Variants in ARMH3 observed in about 807,000 individuals in gnomAD.
ARMH3 encodes the protein armadillo like helical domain containing 3.
Under a neutral mutation model 99.1 loss-of-function variants are expected in ARMH3, and 60 were observed. That is an observed-to-expected ratio of 0.61 (90% confidence interval 0.49 to 0.75). The LOEUF is 0.75. Ranked by LOEUF, ARMH3 falls within the 30% of genes least tolerant of loss-of-function variation. The probability of loss-of-function intolerance (pLI) is 0.00; values close to 1 mark genes in which losing one functional copy is unlikely to be tolerated. For synonymous variants in ARMH3, 285 were observed against 292.8 expected, an observed-to-expected ratio of 0.97 and a Z score of 0.27; for missense variants, 679 against 843.1, an observed-to-expected ratio of 0.81 and a Z score of 2.41.
chr10:101,903,312 T>C (rs1564736835), intron 23 of ARMH3, among the ~76,000 whole-genome samples: 5 of 152,206 alleles, frequency 3.3e-5, no homozygotes, highest in Admixed American at 3.3e-4. Flanking sequence ...TTGACAAACA[T>C]ATGAATACCT....
At chr10:102,039,365 G>A (rs1006120012) in intron 2 of ARMH3, among the ~76,000 whole-genome samples, 2 of 151,994 alleles carry the variant, frequency 1.3e-5, no homozygotes, top group African/African-American at 2.4e-5. Flanking sequence ...GGCTGGTCTC[G>A]AACTCTTGAC....
rs1174790123 is a variant in ARMH3, at chr10:102,007,151, C to T, written c.955-518G>A. On this transcript the variant is annotated intron_variant, in intron 13 of 25. Transcript: ENST00000370033. ...ACTCCAGCCTGGTGACACAGCAAGA[C>T]TCTATCTCAAAAAAAAAAAAAAAAA... Among the ~76,000 whole-genome samples, 9 of 55,388 alleles carry T rather than the reference C, an allele frequency of 1.6e-4. 1 individual carries two copies. In the South Asian group the frequency reaches 5.2e-3, roughly 32 times the overall value. The allele number at this position is 55,388 out of a possible 152,430, so 36.3% of individuals were successfully genotyped here. A position where few individuals can be genotyped will look rare whatever the true frequency, so the allele number is the denominator to read the frequency against.
chr10:102,010,680 A>C (rs2066610926), intron 11 of ARMH3, among the ~76,000 whole-genome samples: 1 of 152,194 alleles, frequency 6.6e-6, no homozygotes, highest in Non-Finnish European at 1.5e-5. Flanking sequence ...TATGCTTGAA[A>C]CTATACACAA....
chr10:101,902,263 G>A (rs2067999562), intron 23 of ARMH3, among the ~76,000 whole-genome samples: 1 of 152,080 alleles, frequency 6.6e-6, no homozygotes, highest in African/African-American at 2.4e-5. Context: ...TCTCACAAGG[G>A]GAAGGCTGTT....
intron 19 of ARMH3, among the ~76,000 whole-genome samples, chr10:101,984,142 C>T (rs1846353821): frequency 6.6e-6 from 1 of 152,098 alleles, no homozygotes; most frequent in Admixed American, 6.5e-5. Context: ...TGTTGATTGT[C>T]GTTGTTGAGT....
rs1483638301 is a variant in ARMH3, at chr10:102,031,759, A to AATAT, written c.306+1266_306+1267insATAT. On this transcript the variant is annotated intron_variant, in intron 4 of 25. Coordinates refer to ENST00000370033, the MANE Select transcript of ARMH3 (RefSeq NM_024541.3). ...GATTCTTCATATTCTTTTTTTTTTG[A>AATAT]GACGGAGTCTCGCTCTGTCGCCCAG... is the stretch of plus-strand genomic sequence containing the variant. Among the ~76,000 whole-genome samples the AATAT allele has an allele frequency of 1.2e-3, 176 of 151,840 alleles. 1 individual carries two copies. Among genetic ancestry groups the AATAT allele is most frequent in the African/African-American group, 3.9e-3 (163 of 41,438 alleles).
chr10:101,892,349 C>T (rs979088665), intron 23 of ARMH3, among the ~76,000 whole-genome samples: 3 of 152,046 alleles, frequency 2.0e-5, no homozygotes, highest in African/African-American at 7.2e-5. Context: ...GTCTCAGCTA[C>T]TTGGAAGGCT....
At chr10:101,931,587 T>G (rs573816775) in intron 23 of ARMH3, among the ~76,000 whole-genome samples, 1 of 151,682 alleles carries the variant, frequency 6.6e-6, no homozygotes, top group East Asian at 1.9e-4. Context: ...TGAAGTTGGA[T>G]GCTTACTTTA....
chr10:101,928,249 G>A (rs754505121), intron 23 of ARMH3, among the ~76,000 whole-genome samples: 7 of 152,030 alleles, frequency 4.6e-5, no homozygotes, highest in East Asian at 1.9e-4. Flanking sequence ...GGCTGTTCAC[G>A]TTCTTATAAA....
intron 6 of ARMH3, among the ~76,000 whole-genome samples, chr10:102,024,765 G>A (rs906583088): frequency 2.6e-5 from 4 of 151,200 alleles, no homozygotes; most frequent in African/African-American, 9.7e-5. Context: ...GTTGAAGTGA[G>A]CCGAGATCAC....
intron 23 of ARMH3, among the ~76,000 whole-genome samples, chr10:101,929,817 A>C (rs1843646553): frequency 6.6e-6 from 1 of 152,248 alleles, no homozygotes; most frequent in South Asian, 2.1e-4. Flanking sequence ...TGGTCTGCAG[A>C]TATTGCATAT....
chr10:102,038,813 C>A (rs540566282), intron 2 of ARMH3, among the ~76,000 whole-genome samples: 10 of 151,520 alleles, frequency 6.6e-5, no homozygotes, highest in Non-Finnish European at 1.2e-4. Context: ...GATCACAGTT[C>A]ACTGCAGCCT....
chr10:101,865,249 A>G (rs2066975321), intron 24 of ARMH3, among the ~76,000 whole-genome samples: 2 of 151,932 alleles, frequency 1.3e-5, no homozygotes, highest in African/African-American at 2.4e-5. Flanking sequence ...AAACAAACAA[A>G]AAGAGTAAGA....
At chr10:101,962,754 C>T (rs1402135120) in intron 20 of ARMH3, among the ~76,000 whole-genome samples, 1 of 152,144 alleles carries the variant, frequency 6.6e-6, no homozygotes, top group Non-Finnish European at 1.5e-5. Context: ...AGAAGAAGGT[C>T]TCTGAACTCC....
In ARMH3 at chr10:101,889,505, T is replaced by G. The variant is rs768651554; in HGVS notation, c.1782-15A>C. 1.3e-6 allele frequency: 2 copies of G among 1,599,372 alleles called. No individual in the cohort carries two copies. Among genetic ancestry groups the G allele is most frequent in the Admixed American group, 3.3e-5 (2 of 59,992 alleles). Reference sequence around the variant, plus strand: ...TGATGATGGCTCTGAAACAAAGAATTCGTATTAATATGGTGCCAGATAGAA... The same window carrying G: ...TGATGATGGCTCTGAAACAAAGAATGCGTATTAATATGGTGCCAGATAGAA... On this transcript the variant is annotated splice_polypyrimidine_tract_variant and intron_variant, in intron 23 of 25. Transcript: ENST00000370033.
chr10:101,937,263 G>A (rs1844023326), intron 23 of ARMH3, among the ~76,000 whole-genome samples: 1 of 152,112 alleles, frequency 6.6e-6, no homozygotes, highest in Admixed American at 6.6e-5. Context: ...CATGCCTGCA[G>A]TCCCAGCACT....
chr10:101,859,543 C>T (rs575547344), intron 24 of ARMH3, among the ~76,000 whole-genome samples: 1 of 152,350 alleles, frequency 6.6e-6, no homozygotes, highest in African/African-American at 2.4e-5. Context: ...TCAAAATATA[C>T]AAGCTATAGC....
chr10:101,933,630 T>C (rs1843822436), intron 23 of ARMH3, among the ~76,000 whole-genome samples: 1 of 152,194 alleles, frequency 6.6e-6, no homozygotes, highest in African/African-American at 2.4e-5. Context: ...CAGCTTCATT[T>C]TGGTGCTTTG....
Position 102,005,052 on chromosome 10 carries a change from A to T in ARMH3, c.1048+1488T>A, listed in dbSNP as rs185371100. Reference sequence around the variant, plus strand: ...ACCCCATCTCTACTAAAAATACAAAAAATTAGCCGGGCATGGTGGCACACA... The same window carrying T: ...ACCCCATCTCTACTAAAAATACAAATAATTAGCCGGGCATGGTGGCACACA... On this transcript the variant is annotated intron_variant, in intron 14 of 25. Coordinates refer to ENST00000370033, the MANE Select transcript of ARMH3 (RefSeq NM_024541.3). Among the ~76,000 whole-genome samples, 467 of 152,020 alleles carry T rather than the reference A, an allele frequency of 3.1e-3. 4 individuals carry two copies. The highest frequency in any genetic ancestry group is 0.025 in the Admixed American group (383 of 15,276).
Sources: allele counts gnomAD v4.1 joint callset (sites outside exome capture counted in the v4.1 genomes callset), GRCh38; gene constraint gnomAD v4.1.1; transcripts MANE v1.5; gene names NCBI Gene and HGNC (gene_info 2026-07-23, HGNC 2026-07-21).